Variants in RIT2 observed in about 807,000 individuals in gnomAD.
The protein encoded by RIT2 is GTP-binding protein Rit2.
Under a neutral mutation model 23.7 loss-of-function variants are expected in RIT2, and 24 were observed. The ratio of observed to expected loss-of-function variants is 1.01; its 90% CI spans 0.73 to 1.43. The LOEUF is 1.43. Ranked by LOEUF, RIT2 falls within the 40% of genes most tolerant of loss-of-function variation. The pLI, the probability that RIT2 is intolerant of heterozygous loss-of-function variation, is 0.00. For missense variants in RIT2, 236 were observed against 266.9 expected, an observed-to-expected ratio of 0.88 and a Z score of 0.81; for synonymous variants, 107 against 91.1, an observed-to-expected ratio of 1.17 and a Z score of -0.99.
chr18:43,102,183 C>A (rs1913699488), intron 1 of RIT2, among the ~76,000 whole-genome samples: 1 of 152,116 alleles, frequency 6.6e-6, no homozygotes, highest in South Asian at 2.1e-4. Flanking sequence ...AAAATTAAAT[C>A]TTATGCAGAA....
At chr18:42,816,864 C>T (rs1422872727) in intron 4 of RIT2, among the ~76,000 whole-genome samples, 4 of 152,134 alleles carry the variant, frequency 2.6e-5, no homozygotes, top group East Asian at 3.9e-4. Context: ...TTACTGTGCA[C>T]CAGATAGTTG....
At chr18:42,818,762 G>A (rs1434898161) in intron 4 of RIT2, among the ~76,000 whole-genome samples, 2 of 151,986 alleles carry the variant, frequency 1.3e-5, no homozygotes, top group Non-Finnish European at 2.9e-5. Context: ...TGGAGCATCT[G>A]GACTACAATA....
chr18:42,969,697 T>C (rs1910318379), intron 3 of RIT2, among the ~76,000 whole-genome samples: 1 of 152,056 alleles, frequency 6.6e-6, no homozygotes, highest in Admixed American at 6.6e-5. Flanking sequence ...TTGAAGGTAT[T>C]TGCAGAATTA....
At chr18:43,114,622 C>A (rs573814695) in intron 1 of RIT2, among the ~76,000 whole-genome samples, 1 of 152,222 alleles carries the variant, frequency 6.6e-6, no homozygotes, top group South Asian at 2.1e-4. Context: ...TAGCTCCGAG[C>A]TATCTAACAT....
At chr18:42,917,207 C>T (rs1908932616) in intron 4 of RIT2, among the ~76,000 whole-genome samples, 1 of 151,976 alleles carries the variant, frequency 6.6e-6, no homozygotes, top group African/African-American at 2.4e-5. Context: ...CTGATTTGTC[C>T]AAGGACACAG....
intron 4 of RIT2, among the ~76,000 whole-genome samples, chr18:42,776,081 A>G (rs537718554): frequency 6.6e-6 from 1 of 152,330 alleles, no homozygotes; most frequent in East Asian, 1.9e-4. Flanking sequence ...ATTTTGGCTC[A>G]AGAGTATAAC....
At chr18:43,041,473 A>G (rs1424199992) in intron 1 of RIT2, among the ~76,000 whole-genome samples, 1 of 152,092 alleles carries the variant, frequency 6.6e-6, no homozygotes, top group East Asian at 1.9e-4. Flanking sequence ...CATATCAAAG[A>G]CCCTTTTTCT....
chr18:43,111,033 A>G (rs56384227), intron 1 of RIT2, among the ~76,000 whole-genome samples: 26,038 of 152,102 alleles, frequency 0.17, 2,440 homozygotes, highest in East Asian at 0.37. Context: ...AATAGCCAAG[A>G]TTTGGAAGTA....
At chr18:42,945,293 G>C (rs1909701659) in intron 3 of RIT2, among the ~76,000 whole-genome samples, 1 of 150,666 alleles carries the variant, frequency 6.6e-6, no homozygotes, top group Admixed American at 6.6e-5. Flanking sequence ...GAGTCTTTCT[G>C]CAAAGGGCAA....
At chr18:42,767,903 C>T (rs1323854592) in intron 4 of RIT2, among the ~76,000 whole-genome samples, 1 of 152,088 alleles carries the variant, frequency 6.6e-6, no homozygotes, top group Non-Finnish European at 1.5e-5. Flanking sequence ...GTAAGAAGTG[C>T]CTTTCGCCTC....
intron 4 of RIT2, among the ~76,000 whole-genome samples, chr18:42,817,746 A>G (rs11082300): frequency 0.23 from 34,823 of 151,926 alleles, 5,182 homozygotes; most frequent in African/African-American, 0.43. Flanking sequence ...AAGACAAACC[A>G]CATAACTTTT....
intron 3 of RIT2, among the ~76,000 whole-genome samples, chr18:42,967,214 G>T (rs1910248359): frequency 6.6e-6 from 1 of 151,968 alleles, no homozygotes; most frequent in Admixed American, 6.6e-5. Context: ...AGACATAGTT[G>T]CCTCTTAAAT....
chr18:42,997,257 C>T (rs1178916099), intron 2 of RIT2, among the ~76,000 whole-genome samples: 1 of 152,130 alleles, frequency 6.6e-6, no homozygotes, highest in African/African-American at 2.4e-5. Context: ...GGGCTATCAG[C>T]AGAAACTCAA....
chr18:42,802,180 T>C (rs1480295587), intron 4 of RIT2, among the ~76,000 whole-genome samples: 4 of 152,178 alleles, frequency 2.6e-5, no homozygotes, highest in African/African-American at 9.7e-5. Flanking sequence ...ATTAGGATTA[T>C]AATTAGGATA....
intron 4 of RIT2, among the ~76,000 whole-genome samples, chr18:42,915,151 TACACACACACAC>T (rs71918963): frequency 6.9e-6 from 1 of 145,856 alleles, no homozygotes; most frequent in South Asian, 2.2e-4. Context: ...CATATAATTA[TACACACACACAC>T]ACACACACAC....
chr18:43,096,208 T>C (rs1435541925), intron 1 of RIT2, among the ~76,000 whole-genome samples: 1 of 151,902 alleles, frequency 6.6e-6, no homozygotes, highest in Non-Finnish European at 1.5e-5. Context: ...CTAATGAAGA[T>C]GGTCTAGATT....
Position 42,911,086 on chromosome 18 carries a change from C to T in RIT2, c.426+12486G>A, listed in dbSNP as rs183040588. Among the ~76,000 whole-genome samples the T allele has an allele frequency of 3.7e-3, 566 of 152,054 alleles. 1 individual carries two copies. The highest frequency in any genetic ancestry group is 8.1e-3 in the Admixed American group (123 of 15,248). On this transcript the variant is annotated intron_variant, in intron 4 of 4. Transcript: ENST00000326695. ...AAAAAAAAATCACACAGAGTATGATCTCTGACCACAATGTATCAAAGAAGA... is the reference window on the plus strand; with the variant it reads ...AAAAAAAAATCACACAGAGTATGATTTCTGACCACAATGTATCAAAGAAGA...
chr18:42,994,951 C>T (rs910246026), intron 2 of RIT2, among the ~76,000 whole-genome samples: 10 of 152,286 alleles, frequency 6.6e-5, no homozygotes, highest in African/African-American at 2.4e-4. Flanking sequence ...ATCCGGCCTC[C>T]CACATTATTC....
At chr18:42,764,560 G>A (rs1913377500) in intron 4 of RIT2, among the ~76,000 whole-genome samples, 1 of 152,174 alleles carries the variant, frequency 6.6e-6, no homozygotes, top group African/African-American at 2.4e-5. Flanking sequence ...TCTTTGAAGT[G>A]AGCCATTATC....
Sources: gnomAD v4.1 joint callset for allele counts (sites outside exome capture counted in the v4.1 genomes callset) on GRCh38, gnomAD v4.1.1 for gene constraint, MANE v1.5 for transcripts, NCBI Gene and HGNC (gene_info 2026-07-23, HGNC 2026-07-21) for gene names.